The following PRELID2 variants were observed in gnomAD, a reference collection of about 807,000 sequenced individuals.
PRELID2 encodes the protein PRELI domain-containing protein 2.
PRELID2 carries 25 observed loss-of-function variants against 28.4 expected under a neutral mutation model. The ratio of observed to expected loss-of-function variants is 0.88; its 90% CI spans 0.64 to 1.23. The LOEUF (loss-of-function observed/expected upper bound fraction) is 1.23, where lower values mean the gene tolerates loss of function less well. Ranked by LOEUF, PRELID2 falls within the 50% of genes most tolerant of loss-of-function variation. The pLI is 0.00. For missense variants in PRELID2, 201 were observed against 214.4 expected (o/e 0.94, Z 0.39); for synonymous variants, 76 against 71.6 (o/e 1.06, Z -0.31).
chr5:145,455,661 T>A, the PRELID2 span, among the ~76,000 whole-genome samples: 16 of 152,232 alleles, frequency 1.1e-4, no homozygotes, highest in Non-Finnish European at 1.8e-4. Context: ...GTCCTCCACA[T>A]CCCTTGTAAG....
chr5:145,281,274 G>GT, the PRELID2 span, among the ~76,000 whole-genome samples: 1 of 152,142 alleles, frequency 6.6e-6, no homozygotes, highest in Non-Finnish European at 1.5e-5. Flanking sequence ...TAGATCAACT[G>GT]TTTATCTCTC....
chr5:145,750,755 G>A (rs1484344183), intron 1 of PRELID2, among the ~76,000 whole-genome samples: 3 of 152,180 alleles, frequency 2.0e-5, no homozygotes, highest in Admixed American at 2.0e-4. Context: ...ATATATCTGA[G>A]AGAATAAACC....
the PRELID2 span, among the ~76,000 whole-genome samples, chr5:145,244,160 G>A: frequency 6.6e-6 from 1 of 151,956 alleles, no homozygotes. Context: ...TCAGTATGTT[G>A]GCCAGGCTGG....
rs901214791 is a variant in PRELID2 at position 145,760,176 on chromosome 5, C to T, written c.*360G>A. 6.6e-6 allele frequency: 1 copy of T among 152,274 alleles called. No individual in the cohort carries two copies. The highest frequency in any genetic ancestry group is 6.5e-5 in the Admixed American group (1 of 15,286). 9.4% of individuals were successfully genotyped at this position (152,274 alleles called of 1,614,324 possible). A position where few individuals can be genotyped will look rare whatever the true frequency, so the allele number is the denominator to read the frequency against. On this transcript the variant is annotated 3_prime_UTR_variant, in exon 7 of 7. Coordinates refer to ENST00000683046, the MANE Select transcript of PRELID2 (RefSeq NM_205846.3). ...CAAGCACCCTCTCCAGGCCTTTATC[C>T]TGTCCTTAGCTGCCCTGACACCATC... is the stretch of plus-strand genomic sequence containing the variant.
chr5:145,406,167 A>G, the PRELID2 span, among the ~76,000 whole-genome samples: 3 of 152,214 alleles, frequency 2.0e-5, no homozygotes, highest in East Asian at 3.9e-4. Flanking sequence ...AAAATTCAAC[A>G]TGAGATTTAG....
At chr5:145,469,900 G>A (rs1423818026), downstream of PRELID2, among the ~76,000 whole-genome samples, 2 of 152,046 alleles carry the variant, frequency 1.3e-5, no homozygotes, top group African/African-American at 2.4e-5. Context: ...ATCAGCTGAG[G>A]TGTCCCAAAT....
chr5:145,342,469 AAC>A, the PRELID2 span, among the ~76,000 whole-genome samples: 1 of 152,166 alleles, frequency 6.6e-6, no homozygotes, highest in Non-Finnish European at 1.5e-5. Flanking sequence ...AATGTAACAA[AAC>A]ACAGTCTCAT....
chr5:145,310,703 C>T, the PRELID2 span, among the ~76,000 whole-genome samples: 2 of 152,124 alleles, frequency 1.3e-5, no homozygotes, highest in African/African-American at 4.8e-5. Flanking sequence ...TTATTCATCT[C>T]CTGATGGTCT....
intron 5 of PRELID2, among the ~76,000 whole-genome samples, chr5:145,767,048 G>A (rs536470128): frequency 6.6e-6 from 1 of 152,186 alleles, no homozygotes; most frequent in East Asian, 1.9e-4. Context: ...CTCAAGCCTG[G>A]ACCTGTGGCC....
chr5:145,647,110 G>A (rs1754209825), intron 1 of PRELID2, among the ~76,000 whole-genome samples: 1 of 152,172 alleles, frequency 6.6e-6, no homozygotes, highest in Non-Finnish European at 1.5e-5. Context: ...TGCTGAAGCT[G>A]CATCCACAGC....
chr5:145,711,909 TGCAAA>T (rs1755706751), intron 1 of PRELID2, among the ~76,000 whole-genome samples: 3 of 152,196 alleles, frequency 2.0e-5, no homozygotes, highest in Non-Finnish European at 4.4e-5. Context: ...GCAGCCAGAC[TGCAAA>T]GCAAAGTGAG....
intron 1 of PRELID2, among the ~76,000 whole-genome samples, chr5:145,581,558 C>T (rs913078274): frequency 5.3e-5 from 8 of 152,060 alleles, no homozygotes; most frequent in Non-Finnish European, 1.2e-4. Context: ...AGGTCATATC[C>T]TTTCCTATTT....
At chr5:145,664,238 CT>C (rs1483981392) in intron 1 of PRELID2, among the ~76,000 whole-genome samples, 1 of 152,084 alleles carries the variant, frequency 6.6e-6, no homozygotes, top group Non-Finnish European at 1.5e-5. Flanking sequence ...TATTGACAGG[CT>C]TTTGAAATTT....
the PRELID2 span, among the ~76,000 whole-genome samples, chr5:145,303,819 C>A: frequency 6.6e-6 from 1 of 152,108 alleles, no homozygotes; most frequent in East Asian, 1.9e-4. Flanking sequence ...CCTCTAAAAC[C>A]CCAAGGATAT....
intron 1 of PRELID2, among the ~76,000 whole-genome samples, chr5:145,708,686 C>T (rs1755612300): frequency 6.6e-6 from 1 of 152,074 alleles, no homozygotes; most frequent in Non-Finnish European, 1.5e-5. Context: ...CTGGGGAGAA[C>T]AACATTTGAA....
the PRELID2 span, among the ~76,000 whole-genome samples, chr5:145,359,092 A>G: frequency 2.0e-5 from 3 of 152,158 alleles, no homozygotes; most frequent in Non-Finnish European, 2.9e-5. Context: ...ATGCACTCAC[A>G]TGGACCAATC....
At chr5:145,589,644 TCA>T (rs2149630068) in intron 1 of PRELID2, among the ~76,000 whole-genome samples, 1 of 152,284 alleles carries the variant, frequency 6.6e-6, no homozygotes, top group East Asian at 1.9e-4. Context: ...AATTGTAGCC[TCA>T]GTGCTTTTCT....
At chr5:145,276,391 A>C in the PRELID2 span, among the ~76,000 whole-genome samples, 1 of 152,162 alleles carries the variant, frequency 6.6e-6, no homozygotes, top group Admixed American at 6.6e-5. Context: ...ACATGGTCAC[A>C]GTGTACATAT....
the PRELID2 span, among the ~76,000 whole-genome samples, chr5:145,234,652 G>T: frequency 6.6e-6 from 1 of 152,106 alleles, no homozygotes; most frequent in Non-Finnish European, 1.5e-5. Flanking sequence ...ACAAGCAACT[G>T]CAGTAAGAAT....
Sources: allele counts gnomAD v4.1 joint callset (sites outside exome capture counted in the v4.1 genomes callset), GRCh38; gene constraint gnomAD v4.1.1; transcripts MANE v1.5; gene names NCBI Gene and HGNC (gene_info 2026-07-23, HGNC 2026-07-21).